Variants in NELL1 observed in about 807,000 individuals in gnomAD.
NELL1 encodes the protein neural EGFL like 1, also known as protein kinase C-binding protein NELL1.
Under a neutral mutation model 107.4 loss-of-function variants are expected in NELL1, and 76 were observed. The ratio of observed to expected loss-of-function variants is 0.71; its 90% CI spans 0.59 to 0.86. NELL1 has a LOEUF of 0.86. NELL1 is among the 40% of genes least tolerant of loss of function. NELL1 has a pLI of 0.00. For missense variants in NELL1, 1,024 were observed against 1,005.5 expected, an observed-to-expected ratio of 1.02 and a Z score of -0.25; for synonymous variants, 353 against 341.2, an observed-to-expected ratio of 1.03 and a Z score of -0.38.
Position 21,018,143 on chromosome 11 carries a change from A to G in NELL1, c.1300+57583A>G, listed in dbSNP as rs557294672. Among the ~76,000 whole-genome samples the G allele has an allele frequency of 2.0e-5, 3 of 152,162 alleles. No individual in the cohort carries two copies. The South Asian group carries it at 6.2e-4, about 32-fold the overall frequency. ...GCTTGATTGACATATTCAATTACATATTTGTGTATTTGTATTTTCTTTAAT... is the reference window on the plus strand; with the variant it reads ...GCTTGATTGACATATTCAATTACATGTTTGTGTATTTGTATTTTCTTTAAT... On this transcript the variant is annotated intron_variant, in intron 12 of 19. Coordinates refer to ENST00000357134, the MANE Select transcript of NELL1 (RefSeq NM_006157.5).
chr11:20,691,625 G>C (rs1854468886), intron 2 of NELL1, among the ~76,000 whole-genome samples: 1 of 152,020 alleles, frequency 6.6e-6, no homozygotes, highest in South Asian at 2.1e-4. Context: ...TGCATCCCAG[G>C]GATGAAGCCA....
intron 2 of NELL1, among the ~76,000 whole-genome samples, chr11:20,720,486 C>T (rs915629687): frequency 2.0e-5 from 3 of 152,148 alleles, no homozygotes; most frequent in African/African-American, 7.2e-5. Flanking sequence ...GGATTACAGA[C>T]ATGAGCCACT....
intron 9 of NELL1, among the ~76,000 whole-genome samples, chr11:20,936,261 C>G (rs1850722714): frequency 6.6e-6 from 1 of 152,072 alleles, no homozygotes. Flanking sequence ...AGAACTTCAC[C>G]TTGGGCAAGG....
intron 12 of NELL1, among the ~76,000 whole-genome samples, chr11:21,006,429 C>A (rs1419612129): frequency 6.6e-6 from 1 of 152,038 alleles, no homozygotes; most frequent in Admixed American, 6.6e-5. Flanking sequence ...AAGTAAATTT[C>A]TTTTTCTTAT....
chr11:21,534,613 C>T lies in NELL1; in HGVS notation c.1786+99C>T. On this transcript the variant is annotated intron_variant, in intron 16 of 19. Coordinates refer to ENST00000357134, the MANE Select transcript of NELL1 (RefSeq NM_006157.5). The stretch of plus-strand genomic sequence containing the variant: ...TCAGCTCCCAGTGTTAAAATATGAC[C>T]ATTCATTGGTTAAATGCATCAGTTT... 3.2e-6 allele frequency: 4 copies of T among 1,268,776 alleles called. No individual in the cohort carries two copies. The South Asian group carries it at 5.3e-5, about 17-fold the overall frequency. 78.6% of individuals were successfully genotyped at this position (1,268,776 alleles called of 1,614,324 possible). A position where few individuals can be genotyped will look rare whatever the true frequency, so the allele number is the denominator to read the frequency against.
chr11:20,971,686 C>A (rs987005658), intron 12 of NELL1, among the ~76,000 whole-genome samples: 1 of 152,138 alleles, frequency 6.6e-6, no homozygotes, highest in African/African-American at 2.4e-5. Flanking sequence ...GCTTAGAAAT[C>A]CTGGCTTTAT....
At chr11:20,730,212 G>T (rs968735526) in intron 2 of NELL1, among the ~76,000 whole-genome samples, 20 of 152,222 alleles carry the variant, frequency 1.3e-4, no homozygotes, top group African/African-American at 4.6e-4. Context: ...ATATGTAAAA[G>T]ATTATTAATA....
At chr11:21,359,667 A>T (rs1313843294) in intron 14 of NELL1, among the ~76,000 whole-genome samples, 3 of 152,070 alleles carry the variant, frequency 2.0e-5, no homozygotes, top group Non-Finnish European at 4.4e-5. Flanking sequence ...TTACTGTTTC[A>T]ATCTCACTAA....
At chr11:21,345,450 C>G (rs533185848) in intron 14 of NELL1, among the ~76,000 whole-genome samples, 1 of 152,282 alleles carries the variant, frequency 6.6e-6, no homozygotes, top group South Asian at 2.1e-4. Context: ...TTAGACATCT[C>G]CAAAGCTGTG....
chr11:21,408,837 C>T lies in NELL1; in HGVS notation c.1645+37889C>T, dbSNP rs573084990. Among the ~76,000 whole-genome samples the T allele has an allele frequency of 1.4e-3, 217 of 152,056 alleles. 1 individual carries two copies. Among genetic ancestry groups the T allele is most frequent in the African/African-American group, 5.0e-3 (208 of 41,508 alleles). ...CAAAAAACACATGAAAAAATGCTCA[C>T]CATCACTGGCCATCAGAGAAATGCA... On this transcript the variant is annotated intron_variant, in intron 15 of 19. Coordinates refer to ENST00000357134, the MANE Select transcript of NELL1 (RefSeq NM_006157.5).
At chr11:20,988,602 C>G (rs1234308305) in intron 12 of NELL1, among the ~76,000 whole-genome samples, 1 of 149,848 alleles carries the variant, frequency 6.7e-6, no homozygotes, top group Non-Finnish European at 1.5e-5. Flanking sequence ...GAGGTTTGTT[C>G]TTTTCTTTTT....
rs184962167 is a variant in NELL1 at position 21,133,953 on chromosome 11, G to A, written c.1426+20239G>A. Among the ~76,000 whole-genome samples the A allele has an allele frequency of 7.0e-4, 106 of 152,330 alleles. 1 individual carries two copies. In the East Asian group the frequency reaches 0.011, roughly 16 times the overall value. On this transcript the variant is annotated intron_variant, in intron 13 of 19. Coordinates refer to ENST00000357134, the MANE Select transcript of NELL1 (RefSeq NM_006157.5). The stretch of plus-strand genomic sequence containing the variant: ...TCTTGCAGGCTCCATGGGGCACGTA[G>A]CCCCAGCCATGCCTCCTCCACTGCA...
At chr11:21,345,182 T>C (rs1850657902) in intron 14 of NELL1, among the ~76,000 whole-genome samples, 1 of 152,164 alleles carries the variant, frequency 6.6e-6, no homozygotes, top group African/African-American at 2.4e-5. Context: ...ATTTGGGCTA[T>C]TTGCCTCTTC....
chr11:21,497,255 A>G (rs954421614), intron 15 of NELL1, among the ~76,000 whole-genome samples: 2 of 152,002 alleles, frequency 1.3e-5, no homozygotes, highest in African/African-American at 4.8e-5. Context: ...ATGTATACAT[A>G]TGTAACAAAC....
chr11:21,170,035 C>T, intron 13 of NELL1: 1 of 1,178,158 alleles, frequency 8.5e-7, no homozygotes, highest in Non-Finnish European at 1.3e-6. Context: ...TTGTCATCAG[C>T]ACAGACCACA....
At chr11:21,334,586 C>CTCTT (rs879527536) in intron 14 of NELL1, among the ~76,000 whole-genome samples, 3 of 151,926 alleles carry the variant, frequency 2.0e-5, no homozygotes, top group Non-Finnish European at 2.9e-5. Flanking sequence ...AAGTCCCTCT[C>CTCTT]TCTTTCTTTC....
At chr11:20,910,046 C>T (rs140927425) in intron 5 of NELL1, among the ~76,000 whole-genome samples, 38 of 152,210 alleles carry the variant, frequency 2.5e-4, no homozygotes, top group African/African-American at 8.4e-4. Flanking sequence ...GGTTGATCCC[C>T]TCTAGATTTA....
chr11:21,558,955 A>G (rs1194190939), intron 16 of NELL1, among the ~76,000 whole-genome samples: 1 of 152,062 alleles, frequency 6.6e-6, no homozygotes, highest in Non-Finnish European at 1.5e-5. Flanking sequence ...CAGTGAGGAG[A>G]TATAGTGAGG....
chr11:21,197,652 C>A (rs1857184085), intron 13 of NELL1, among the ~76,000 whole-genome samples: 1 of 152,086 alleles, frequency 6.6e-6, no homozygotes, highest in South Asian at 2.1e-4. Context: ...ATTTTAGGGT[C>A]TATATTAAGT....
Sources: gnomAD v4.1 joint callset for allele counts (sites outside exome capture counted in the v4.1 genomes callset) on GRCh38, gnomAD v4.1.1 for gene constraint, MANE v1.5 for transcripts, NCBI Gene and HGNC (gene_info 2026-07-23, HGNC 2026-07-21) for gene names.